ZNF469: variants seen among roughly 807,000 people sequenced by gnomAD.
ZNF469 encodes zinc finger protein 469.
In ZNF469, 1 loss-of-function variant was observed where a neutral mutation model predicts 1.0. That is an observed-to-expected ratio of 1.00 (90% CI 0.35 to 4.73). ZNF469 has a LOEUF of 4.73. Among genes scored for constraint, ZNF469 ranks in the 30% most tolerant of loss-of-function variants. ZNF469 has a pLI of 0.16. For synonymous variants in ZNF469, 2,703 were observed against 2,363.4 expected, an observed-to-expected ratio of 1.14 and a Z score of -4.17; for missense variants, 6,100 against 5,356.3, an observed-to-expected ratio of 1.14 and a Z score of -4.33.
chr16:88,404,448 G>A (rs1157925554), intron 1 of ZNF469, among the ~76,000 whole-genome samples: 1 of 152,208 alleles, frequency 6.6e-6, no homozygotes, highest in Non-Finnish European at 1.5e-5. Context: ...GAGTTGGTTC[G>A]AGGTTGTCCA....
chr16:88,225,960 A>G, the ZNF469 span, among the ~76,000 whole-genome samples: 45,589 of 151,274 alleles, frequency 0.3, 7,450 homozygotes, highest in South Asian at 0.37. Flanking sequence ...TGGCTGTCTC[A>G]GGACACCCTG....
the ZNF469 span, among the ~76,000 whole-genome samples, chr16:88,327,757 A>G: frequency 6.6e-6 from 1 of 152,098 alleles, no homozygotes; most frequent in Non-Finnish European, 1.5e-5. Flanking sequence ...TAGACCCCGC[A>G]CCACAGGTGT....
the ZNF469 span, among the ~76,000 whole-genome samples, chr16:88,268,942 G>C: frequency 3.9e-5 from 6 of 152,170 alleles, no homozygotes; most frequent in Non-Finnish European, 7.4e-5. Flanking sequence ...CCTGGGCCTG[G>C]GCAGTGACAT....
the ZNF469 span, among the ~76,000 whole-genome samples, chr16:88,169,482 C>T: frequency 1.3e-5 from 2 of 152,170 alleles, no homozygotes; most frequent in African/African-American, 2.4e-5. The surrounding 1 kb of genome is among the most constrained non-coding windows in gnomAD (Gnocchi z 6.1). Flanking sequence ...TGGAGTTCTC[C>T]AGTACGCAAC....
chr16:88,322,477 T>A, the ZNF469 span, among the ~76,000 whole-genome samples: 1 of 152,198 alleles, frequency 6.6e-6, no homozygotes, highest in Non-Finnish European at 1.5e-5. Context: ...CAGCCACCCA[T>A]GGCAGTGGGG....
At chr16:88,136,812 T>C in the ZNF469 span, among the ~76,000 whole-genome samples, 244 of 152,330 alleles carry the variant, frequency 1.6e-3, 1 homozygote, top group African/African-American at 5.5e-3. Context: ...GGGCAGGGCC[T>C]GGGTGAGAGC....
chr16:88,205,661 A>G, the ZNF469 span, among the ~76,000 whole-genome samples: 17 of 152,194 alleles, frequency 1.1e-4, no homozygotes, highest in African/African-American at 4.1e-4. The surrounding 1 kb of genome is among the most constrained non-coding windows in gnomAD (Gnocchi z 4.2). Context: ...AGTACAAGGC[A>G]CGGATGCGGA....
chr16:88,324,532 G>T, the ZNF469 span, among the ~76,000 whole-genome samples: 1 of 152,242 alleles, frequency 6.6e-6, no homozygotes, highest in African/African-American at 2.4e-5. Context: ...ACTCAGGAAA[G>T]AATTTGAAAG....
At chr16:88,405,965 G>A (rs893142718) in intron 1 of ZNF469, among the ~76,000 whole-genome samples, 6 of 152,250 alleles carry the variant, frequency 3.9e-5, no homozygotes, top group Non-Finnish European at 5.9e-5. Context: ...GCTGGTGAGC[G>A]CTAACGTGGC....
the ZNF469 span, among the ~76,000 whole-genome samples, chr16:88,117,457 G>A: frequency 0.02 from 3,081 of 152,278 alleles, 41 homozygotes; most frequent in African/African-American, 0.034. Flanking sequence ...TTTTTACTTG[G>A]AGAGACAATT....
chr16:88,126,994 T>G, the ZNF469 span, among the ~76,000 whole-genome samples: 2 of 152,088 alleles, frequency 1.3e-5, no homozygotes, highest in Non-Finnish European at 2.9e-5. Flanking sequence ...TATTTTTGTA[T>G]TTTTAGTAGA....
chr16:88,354,193 G>A, the ZNF469 span, among the ~76,000 whole-genome samples: 4 of 152,268 alleles, frequency 2.6e-5, no homozygotes, highest in South Asian at 6.2e-4. Context: ...CCCTTCTACG[G>A]GCAGAAAGTC....
chr16:88,363,261 T>C, the ZNF469 span, among the ~76,000 whole-genome samples: 1 of 152,146 alleles, frequency 6.6e-6, no homozygotes. Flanking sequence ...TTTGTTGCTG[T>C]TGTTGTTGTT....
chr16:88,133,484 C>T, the ZNF469 span, among the ~76,000 whole-genome samples: 4,861 of 152,104 alleles, frequency 0.032, 173 homozygotes, highest in Admixed American at 0.099. Context: ...CCAGGCCTGA[C>T]GCGGATTCTC....
intron 1 of ZNF469, among the ~76,000 whole-genome samples, chr16:88,384,333 C>T (rs1210641728): frequency 6.6e-6 from 1 of 152,222 alleles, no homozygotes; most frequent in Non-Finnish European, 1.5e-5. Context: ...TCTTGAGGCC[C>T]TCTCAGTGCC....
the ZNF469 span, among the ~76,000 whole-genome samples, chr16:88,288,160 C>T: frequency 6.6e-6 from 1 of 152,112 alleles, no homozygotes; most frequent in Non-Finnish European, 1.5e-5. Flanking sequence ...CTCCTTTCTC[C>T]ATCTTACCGG....
Position 88,427,568 on chromosome 16 carries a change from C to T in ZNF469, c.98C>T (p.Pro33Leu), listed in dbSNP as rs752770883. 2.1e-5 allele frequency: 32 copies of T among 1,536,808 alleles called. No individual in the cohort carries two copies. The highest frequency in any genetic ancestry group is 2.0e-4 in the East Asian group (8 of 40,876). Residue 33 changes from proline (P) to leucine (L), a missense_variant, in exon 3 of 3, where the codon CCG becomes CTG. Transcript: ENST00000565624. ...VASSPGHPSQ[P>L]PLEDNTPATR... is the part of the protein sequence containing the mutation. ...AGCAGCCCGGGGCACCCCTCCCAGC[C>T]GCCACTGGAGGACAACACCCCAGCT... is the stretch of plus-strand genomic sequence containing the variant.
intron 2 of ZNF469, among the ~76,000 whole-genome samples, chr16:88,425,339 T>C (rs1707205174): frequency 6.6e-6 from 1 of 152,046 alleles, no homozygotes; most frequent in African/African-American, 2.4e-5. Flanking sequence ...GGGTCTGACA[T>C]GTGGGACTGG....
At chr16:88,346,690 T>A in the ZNF469 span, among the ~76,000 whole-genome samples, 1 of 152,158 alleles carries the variant, frequency 6.6e-6, no homozygotes, top group African/African-American at 2.4e-5. Flanking sequence ...GCTAATTTTT[T>A]AATTTTTGTA....
Sources: gnomAD v4.1 joint callset for allele counts (sites outside exome capture counted in the v4.1 genomes callset) on GRCh38, gnomAD v4.1.1 for gene constraint, Gnocchi (gnomAD v3.1) non-coding constraint, MANE v1.5 for transcripts, NCBI Gene and HGNC (gene_info 2026-07-23, HGNC 2026-07-21) for gene names.